Variants in CCNB3 observed in about 807,000 individuals in gnomAD.
CCNB3 encodes G2/mitotic-specific cyclin-B3.
Under a neutral mutation model 68.0 loss-of-function variants are expected in CCNB3, and 12 were observed. The observed-to-expected ratio is 0.18, with a 90% CI of 0.11 to 0.29. The LOEUF (loss-of-function observed/expected upper bound fraction) is 0.29, where lower values mean the gene tolerates loss of function less well. Ranked by LOEUF, CCNB3 falls within the 10% of genes least tolerant of loss-of-function variation. The pLI is 1.00. For missense variants in CCNB3, 904 were observed against 993.1 expected (o/e 0.91, Z 1.21); for synonymous variants, 354 against 388.9 (o/e 0.91, Z 1.06).
upstream of CCNB3, chrX:50,204,754 G>C (rs782169137): frequency 3.7e-5 from 4 of 108,769 alleles, no homozygotes; most frequent in African/African-American, 1.3e-4. Context: ...GTTGTTCTGA[G>C]GTGCATTTCT....
intron 8 of CCNB3, among the ~76,000 whole-genome samples, chrX:50,329,447 A>G (rs1388788312): frequency 8.9e-6 from 1 of 112,730 alleles, no homozygotes; most frequent in Non-Finnish European, 1.9e-5. Flanking sequence ...GGAAGCTGCC[A>G]GGGCTTATGG....
At chrX:50,292,316 T>C (rs1936362275) in intron 4 of CCNB3, among the ~76,000 whole-genome samples, 1 of 110,423 alleles carries the variant, frequency 9.1e-6, no homozygotes, top group African/African-American at 3.3e-5. Flanking sequence ...AACATTTCCA[T>C]AGCCTTTTTT....
At chrX:50,213,296 A>G (rs1467754544) in intron 1 of CCNB3, among the ~76,000 whole-genome samples, 1 of 112,259 alleles carries the variant, frequency 8.9e-6, no homozygotes, top group Non-Finnish European at 1.9e-5. Flanking sequence ...GACAATGTCT[A>G]TGTTGGATTA....
chrX:50,223,828 C>T (rs1483585695), intron 1 of CCNB3, among the ~76,000 whole-genome samples: 1 of 111,751 alleles, frequency 8.9e-6, no homozygotes. Flanking sequence ...TCAGAGCCAG[C>T]AGGCAGGAAC....
chrX:50,210,821 T>C (rs1255099466), intron 1 of CCNB3, among the ~76,000 whole-genome samples: 1 of 111,771 alleles, frequency 8.9e-6, no homozygotes, highest in Non-Finnish European at 1.9e-5. Flanking sequence ...ACATATTGAT[T>C]ATATATTATA....
At chrX:50,348,365 A>C (rs1055172111) in intron 11 of CCNB3, among the ~76,000 whole-genome samples, 1 of 112,000 alleles carries the variant, frequency 8.9e-6, no homozygotes, top group Non-Finnish European at 1.9e-5. Context: ...ATAATTTCGC[A>C]TTCTTACTAA....
intron 4 of CCNB3, among the ~76,000 whole-genome samples, chrX:50,291,000 T>A (rs1164932747): frequency 9.0e-6 from 1 of 111,727 alleles, no homozygotes; most frequent in Non-Finnish European, 1.9e-5. Flanking sequence ...TTTTGGAGGT[T>A]CCCTATATGA....
intron 4 of CCNB3, among the ~76,000 whole-genome samples, chrX:50,293,623 C>G (rs1557210438): frequency 9.0e-6 from 1 of 111,432 alleles, no homozygotes; most frequent in Admixed American, 9.6e-5. Flanking sequence ...ATTGAGAACC[C>G]TGGCTCCCAA....
At position 50,287,123 on chromosome X, in the gene CCNB3, G is replaced by A. The variant is rs182064629; in HGVS notation, c.97-1657G>A. On this transcript the variant is annotated intron_variant, in intron 3 of 12. Coordinates refer to ENST00000376042, the MANE Select transcript of CCNB3 (RefSeq NM_033031.3). ...AACAGCTCTCTGACACAGGTAGGGC[G>A]GGTTTGTTTTCAGAATTTCATAAGG... Among the ~76,000 whole-genome samples, 8 of 111,808 alleles carry A rather than the reference G, an allele frequency of 7.2e-5. No homozygotes were observed. The East Asian group carries it at 8.5e-4, about 12-fold the overall frequency.
In CCNB3 at chrX:50,308,903, A is replaced by G. The variant is rs1557213978; in HGVS notation, c.734A>G (p.Gln245Arg). 2 of 1,211,854 alleles carry G rather than the reference A, an allele frequency of 1.7e-6. No homozygotes were observed. The highest frequency in any genetic ancestry group is 1.8e-5 in the South Asian group (1 of 56,930). Residue 245 changes from glutamine to arginine, a missense_variant, in exon 6 of 13, where the codon CAG becomes CGG. This residue lies in a region of CCNB3 where 619 missense variants were observed against 609.8 expected (regional missense o/e 1.02). Transcript: ENST00000376042. ...MCASQRKQSC[Q>R]EESLAVQDVN... Reference sequence around the variant, plus strand: ...GCAAGTCAGCGGAAGCAGTCCTGCCAGGAAGAGTCGTTGGCTGTGCAGGAT... The same window carrying G: ...GCAAGTCAGCGGAAGCAGTCCTGCCGGGAAGAGTCGTTGGCTGTGCAGGAT...
intron 8 of CCNB3, among the ~76,000 whole-genome samples, chrX:50,323,640 A>C (rs1186675214): frequency 8.9e-6 from 1 of 112,274 alleles, no homozygotes; most frequent in Non-Finnish European, 1.9e-5. Flanking sequence ...TACTTTGCTG[A>C]AGTTAGTCAT....
intron 11 of CCNB3, among the ~76,000 whole-genome samples, chrX:50,348,237 A>G (rs1412435278): frequency 8.9e-6 from 1 of 111,923 alleles, no homozygotes. Flanking sequence ...ACTCAGGGGC[A>G]TGACTATAGT....
At chrX:50,227,737 A>T (rs1226566931) in intron 1 of CCNB3, among the ~76,000 whole-genome samples, 10 of 13,189 alleles carry the variant, frequency 7.6e-4, no homozygotes, top group African/African-American at 3.0e-3. Flanking sequence ...GATAATATAT[A>T]TAAATATGTA....
chrX:50,206,242 AAAATAAAT>A (rs781814595), intron 1 of CCNB3, among the ~76,000 whole-genome samples: 3 of 108,533 alleles, frequency 2.8e-5, no homozygotes, highest in South Asian at 4.0e-4. Flanking sequence ...ATTCCATCTC[AAAATAAAT>A]AAATAAATAA....
At chrX:50,320,278 A>G (rs1449176412) in intron 8 of CCNB3, among the ~76,000 whole-genome samples, 1 of 111,552 alleles carries the variant, frequency 9.0e-6, no homozygotes, top group African/African-American at 3.2e-5. Context: ...AAAGGTTTTC[A>G]GTGAAGAATA....
intron 5 of CCNB3, among the ~76,000 whole-genome samples, chrX:50,296,801 AC>A (rs1295662975): frequency 3.1e-5 from 3 of 95,975 alleles, no homozygotes; most frequent in Non-Finnish European, 6.3e-5. Flanking sequence ...TTGTTTCCTG[AC>A]TTTTTAATGA....
At chrX:50,289,721 A>C (rs186474990) in intron 4 of CCNB3, among the ~76,000 whole-genome samples, 11 of 111,546 alleles carry the variant, frequency 9.9e-5, no homozygotes, top group Admixed American at 2.9e-4. Flanking sequence ...GTTGGTTTTG[A>C]AGTCTGTATT....
chrX:50,218,957 A>C (rs1041778465), intron 1 of CCNB3, among the ~76,000 whole-genome samples: 3 of 111,405 alleles, frequency 2.7e-5, no homozygotes, highest in Non-Finnish European at 3.8e-5. Context: ...CTTTTTAATG[A>C]TCGCCATTCC....
Position 50,349,378 on chromosome X carries a change from C to T in CCNB3, c.3960+1603C>T, listed in dbSNP as rs1026554551. Among the ~76,000 whole-genome samples the T allele has an allele frequency of 1.8e-4, 20 of 112,232 alleles. 1 individual carries two copies. Among genetic ancestry groups the T allele is most frequent in the Admixed American group, 7.5e-4 (8 of 10,643 alleles). On this transcript the variant is annotated intron_variant, in intron 11 of 12. Transcript: ENST00000376042. ...TGTGAAAGAAAGGCTTTGTATACCA[C>T]GCTGAGAGACCCACTTTACACTAAG... is the stretch of plus-strand genomic sequence containing the variant.
Sources: gnomAD v4.1 joint callset for allele counts (sites outside exome capture counted in the v4.1 genomes callset) on GRCh38, gnomAD v4.1.1 for gene constraint, gnomAD v4.1.1 regional missense constraint, MANE v1.5 for transcripts, NCBI Gene and HGNC (gene_info 2026-07-23, HGNC 2026-07-21) for gene names.